The following PAPPA2 variants were observed in gnomAD, a reference collection of about 807,000 sequenced individuals.
The protein encoded by PAPPA2 is pappalysin 2.
PAPPA2 carries 86 observed loss-of-function variants against 176.4 expected under a neutral mutation model. That is an observed-to-expected ratio of 0.49 (90% CI 0.41 to 0.58). The LOEUF is 0.58. PAPPA2 is among the 20% of genes least tolerant of loss of function. PAPPA2 has a pLI of 0.00. For missense variants in PAPPA2, 2,073 were observed against 2,256.9 expected, an observed-to-expected ratio of 0.92 and a Z score of 1.65; for synonymous variants, 809 against 852.2, an observed-to-expected ratio of 0.95 and a Z score of 0.88.
intron 1 of PAPPA2, among the ~76,000 whole-genome samples, chr1:176,481,499 A>C (rs146977749): frequency 6.6e-6 from 1 of 152,080 alleles, no homozygotes; most frequent in Non-Finnish European, 1.5e-5. Flanking sequence ...GTGGTTTAAC[A>C]TGCACTTGTG....
At chr1:176,475,636 G>T (rs1325803175) in intron 1 of PAPPA2, among the ~76,000 whole-genome samples, 2 of 152,212 alleles carry the variant, frequency 1.3e-5, no homozygotes, top group African/African-American at 4.8e-5. Context: ...AATCCCACCA[G>T]ACAGGTTAAA....
chr1:176,465,978 TTTTC>T (rs1166766913), intron 1 of PAPPA2, among the ~76,000 whole-genome samples: 1 of 152,148 alleles, frequency 6.6e-6, no homozygotes, highest in Non-Finnish European at 1.5e-5. Context: ...GTGCTCCACT[TTTTC>T]TTAGTTATCT....
intron 3 of PAPPA2, among the ~76,000 whole-genome samples, chr1:176,644,092 A>T (rs1004587102): frequency 6.6e-6 from 1 of 151,846 alleles, no homozygotes; most frequent in Non-Finnish European, 1.5e-5. Flanking sequence ...TTTACAAATG[A>T]TAATATAAAA....
In PAPPA2 at chr1:176,621,799, G is replaced by A. The variant is rs34561513; in HGVS notation, c.1991+26204G>A. On this transcript the variant is annotated intron_variant, in intron 3 of 22. Transcript: ENST00000367662. ...TGAACACACCACCCACAAATGCCAG[G>A]AAACATTGCTCTTTCTTTAAAAAGT... Among the ~76,000 whole-genome samples the A allele has an allele frequency of 4.5e-3, 686 of 152,190 alleles. 4 individuals are homozygous for A. The highest frequency in any genetic ancestry group is 0.014 in the Middle Eastern group (4 of 294).
intron 19 of PAPPA2, among the ~76,000 whole-genome samples, chr1:176,792,554 A>T (rs2102939966): frequency 6.6e-6 from 1 of 152,222 alleles, no homozygotes; most frequent in Middle Eastern, 3.4e-3. Context: ...ATACTCACAT[A>T]TCTAGAGGCC....
At chr1:176,756,796 G>A (rs1425616695) in intron 14 of PAPPA2, among the ~76,000 whole-genome samples, 1 of 152,016 alleles carries the variant, frequency 6.6e-6, no homozygotes, top group Non-Finnish European at 1.5e-5. Context: ...GTGCCATGTT[G>A]GTTTGCCGCA....
At chr1:176,552,672 A>G (rs563631161) in intron 1 of PAPPA2, among the ~76,000 whole-genome samples, 93 of 152,090 alleles carry the variant, frequency 6.1e-4, no homozygotes, top group African/African-American at 2.1e-3. Flanking sequence ...TCCTCCCCCA[A>G]CTACCCCCGT....
chr1:176,668,179 C>A (rs80025735), intron 3 of PAPPA2, among the ~76,000 whole-genome samples: 162 of 152,320 alleles, frequency 1.1e-3, no homozygotes, highest in African/African-American at 3.8e-3. Flanking sequence ...GCTCCAAGGA[C>A]AGCCTGTTTC....
At chr1:176,819,298 C>G (rs571443194) in intron 21 of PAPPA2, among the ~76,000 whole-genome samples, 65 of 152,172 alleles carry the variant, frequency 4.3e-4, no homozygotes, top group Non-Finnish European at 4.1e-4. Flanking sequence ...CTTTAAAAGT[C>G]TTTTCTATTG....
chr1:176,696,184 T>A (rs965201568), intron 7 of PAPPA2, among the ~76,000 whole-genome samples: 5 of 151,818 alleles, frequency 3.3e-5, no homozygotes, highest in Non-Finnish European at 5.9e-5. Flanking sequence ...GGAGGTGTAG[T>A]GTTACGTGTG....
intron 17 of PAPPA2, among the ~76,000 whole-genome samples, chr1:176,785,484 T>C (rs1664895650): frequency 1.3e-5 from 2 of 151,956 alleles, no homozygotes; most frequent in South Asian, 4.2e-4. Flanking sequence ...GAACAAACCA[T>C]AAGGAAAAAG....
chr1:176,567,157 A>G (rs1315312486), intron 2 of PAPPA2, among the ~76,000 whole-genome samples: 1 of 152,232 alleles, frequency 6.6e-6, no homozygotes, highest in East Asian at 1.9e-4. Context: ...CCTGTCTCAA[A>G]ACAACCTTCC....
chr1:176,474,303 A>G (rs1652015528), intron 1 of PAPPA2, among the ~76,000 whole-genome samples: 1 of 152,182 alleles, frequency 6.6e-6, no homozygotes. Context: ...GATTATTACT[A>G]TCTGGAACAC....
chr1:176,820,050 C>A (rs1666594025), intron 21 of PAPPA2, among the ~76,000 whole-genome samples: 1 of 152,120 alleles, frequency 6.6e-6, no homozygotes, highest in African/African-American at 2.4e-5. Flanking sequence ...GGTACAAATC[C>A]TCTACCTTAT....
At chr1:176,650,585 T>C (rs1657662585) in intron 3 of PAPPA2, among the ~76,000 whole-genome samples, 3 of 151,166 alleles carry the variant, frequency 2.0e-5, no homozygotes, top group African/African-American at 7.3e-5. Context: ...CAGGCCCCAG[T>C]GTGTGATGTT....
At chr1:176,549,921 A>G (rs939505151) in intron 1 of PAPPA2, among the ~76,000 whole-genome samples, 2 of 152,238 alleles carry the variant, frequency 1.3e-5, no homozygotes, top group African/African-American at 2.4e-5. Context: ...TGACAAATGC[A>G]TACAGTCATG....
intron 17 of PAPPA2, among the ~76,000 whole-genome samples, chr1:176,771,649 C>A (rs2102913851): frequency 6.6e-6 from 1 of 152,284 alleles, no homozygotes; most frequent in East Asian, 1.9e-4. Context: ...TTATATCAAT[C>A]AAACATAAAA....
intron 2 of PAPPA2, among the ~76,000 whole-genome samples, chr1:176,564,615 G>T (rs1162502767): frequency 6.6e-6 from 1 of 151,794 alleles, no homozygotes; most frequent in Non-Finnish European, 1.5e-5. Flanking sequence ...CATACCTTTT[G>T]TTCAAGTATA....
chr1:176,720,440 AC>A (rs1413915908), intron 12 of PAPPA2, among the ~76,000 whole-genome samples: 1 of 152,176 alleles, frequency 6.6e-6, no homozygotes, highest in Non-Finnish European at 1.5e-5. Flanking sequence ...AGAACTTAGT[AC>A]AATTACGTTT....
Sources: gnomAD v4.1 joint callset for allele counts (sites outside exome capture counted in the v4.1 genomes callset) on GRCh38, gnomAD v4.1.1 for gene constraint, MANE v1.5 for transcripts, NCBI Gene and HGNC (gene_info 2026-07-23, HGNC 2026-07-21) for gene names.